The following FCRL4 variants were observed in gnomAD, a reference collection of about 807,000 sequenced individuals.
FCRL4 encodes Fc receptor like 4.
Under a neutral mutation model 64.1 loss-of-function variants are expected in FCRL4, and 43 were observed. The ratio of observed to expected loss-of-function variants is 0.67; its 90% CI spans 0.53 to 0.87. The LOEUF is 0.87. Ranked by LOEUF, FCRL4 falls within the 40% of genes least tolerant of loss-of-function variation. FCRL4 has a pLI of 0.00. For missense variants in FCRL4, 656 were observed against 613.5 expected (o/e 1.07, Z -0.73); for synonymous variants, 253 against 239.8 (o/e 1.05, Z -0.51).
chr1:157,586,305 C>G lies in FCRL4; in HGVS notation c.998G>C (p.Gly333Ala). ...TCTCAGGGAACGCTGAGTTTTCCTC[C>G]CCAGACTCTCCTGCATGTCCTCTCG... ...WHREDMQESL[G>A]RKTQRSLRAE... is the part of the protein sequence containing the mutation. The change falls in exon 6 of 12, where the codon GGG becomes GCG. Residue 333 changes from glycine to alanine, a missense_variant. Physicochemically the swap from Gly to Ala is moderately conservative, Grantham distance 60 (BLOSUM62 0). Transcript: ENST00000271532. The G allele has an allele frequency of 3.1e-6, 5 of 1,613,940 alleles. No individual in the cohort carries two copies. The highest frequency in any genetic ancestry group is 4.2e-6 in the Non-Finnish European group (5 of 1,179,986).
intron 9 of FCRL4, 69 bp downstream of exon 9, chr1:157,578,701 C>A: frequency 6.6e-7 from 1 of 1,525,880 alleles, no homozygotes; most frequent in South Asian, 1.1e-5. Flanking sequence ...GGGGCATTTC[C>A]CAGGGCTGAA....
At chr1:157,586,883 G>A (rs1652712440) in intron 5 of FCRL4, among the ~76,000 whole-genome samples, 1 of 152,112 alleles carries the variant, frequency 6.6e-6, no homozygotes, top group African/African-American at 2.4e-5. Flanking sequence ...CACATCATAG[G>A]CACTCACACT....
intron 6 of FCRL4, among the ~76,000 whole-genome samples, chr1:157,583,363 A>G (rs1260977100): frequency 5.9e-5 from 9 of 152,112 alleles, no homozygotes; most frequent in African/African-American, 2.2e-4. Context: ...CCTACCCCAG[A>G]CATCCTCAGT....
chr1:157,585,344 C>CTCTCTCTTTCTTTCTTTCTTTCTTTCTT (rs1386601138), intron 6 of FCRL4, among the ~76,000 whole-genome samples: 2 of 81,276 alleles, frequency 2.5e-5, no homozygotes, highest in East Asian at 4.2e-4. Flanking sequence ...CTTTCTCTCT[C>CTCTCTCTTTCTTTCTTTCTTTCTTTCTT]TCTTTCTTTC....
intron 1 of FCRL4, among the ~76,000 whole-genome samples, chr1:157,597,575 T>C (rs2758672): frequency 6.6e-6 from 1 of 152,042 alleles, no homozygotes; most frequent in Non-Finnish European, 1.5e-5. Context: ...CCTTCACAAA[T>C]AACTCAGTCC....
intron 3 of FCRL4, among the ~76,000 whole-genome samples, chr1:157,588,965 T>TA (rs1245373672): frequency 1.3e-5 from 2 of 152,252 alleles, no homozygotes; most frequent in Non-Finnish European, 2.9e-5. Flanking sequence ...TCCCTAAAAC[T>TA]AACTCATTTT....
Position 157,597,956 on chromosome 1 carries a change from C to G in FCRL4, c.-12G>C. 1.9e-6 allele frequency: 3 copies of G among 1,612,196 alleles called. No individual in the cohort carries two copies. The highest frequency in any genetic ancestry group is 2.5e-6 in the Non-Finnish European group (3 of 1,178,772). On this transcript the variant is annotated 5_prime_UTR_variant, in exon 1 of 12. Transcript: ENST00000271532. ...GCCCACAGCAGCATGGAAGCCTGCTCCAGGATTGGAGAAGGAGTTCTGAGG... is the reference window on the plus strand; with the variant it reads ...GCCCACAGCAGCATGGAAGCCTGCTGCAGGATTGGAGAAGGAGTTCTGAGG...
chr1:157,575,755 G>A (rs776326515), intron 10 of FCRL4, 25 bp from the exon 11 acceptor site: 1 of 1,611,826 alleles, frequency 6.2e-7, no homozygotes, highest in Non-Finnish European at 8.5e-7. Flanking sequence ...AGAATCACTG[G>A]ACTATGGGCA....
rs1442336106 is a variant in FCRL4, at chr1:157,586,458, A to G, written c.848-3T>C. 7 of 1,600,294 alleles carry G rather than the reference A, an allele frequency of 4.4e-6. No homozygotes were observed. Among genetic ancestry groups the G allele is most frequent in the Non-Finnish European group, 6.0e-6 (7 of 1,174,768 alleles). The stretch of plus-strand genomic sequence containing the variant: ...GAGCACCCCAGACACAGGGATCCCT[A>G]TGTGAAAATGAGACCACAGGTGGGG... On this transcript the variant is annotated splice_polypyrimidine_tract_variant and splice_region_variant and intron_variant, in intron 5 of 11. Transcript: ENST00000271532.
In FCRL4 at chr1:157,586,254, C is replaced by T. The variant is rs1652690099; in HGVS notation, c.1049G>A (p.Arg350Lys). 1.2e-6 allele frequency: 2 copies of T among 1,614,132 alleles called. No homozygotes were observed. The highest frequency in any genetic ancestry group is 1.7e-6 in the Non-Finnish European group (2 of 1,179,996). Residue 350 changes from arginine to lysine, a missense_variant, in exon 6 of 12, where the codon AGA (arginine) becomes AAA (lysine). Arg to Lys is a conservative substitution (Grantham distance 26). Coordinates refer to ENST00000271532, the MANE Select transcript of FCRL4 (RefSeq NM_031282.3). ...GTAGTATCCCCCTGCATGGCTCTGT[C>T]TGATGGCAGGGAGCTCCAGCTCTGC... is the stretch of plus-strand genomic sequence containing the variant. ...LRAELELPAIRQSHAGGYYCT... is the reference protein window; with the variant it reads ...LRAELELPAIKQSHAGGYYCT...
intron 6 of FCRL4, among the ~76,000 whole-genome samples, chr1:157,584,261 G>A (rs1571872): frequency 0.38 from 56,994 of 151,956 alleles, 11,921 homozygotes; most frequent in East Asian, 0.73. Context: ...GCAGCTTGCA[G>A]TTTTGCTAAT....
At position 157,574,552 on chromosome 1, in the gene FCRL4, G is replaced by T. The variant is rs1652357824; in HGVS notation, c.*972C>A. The stretch of plus-strand genomic sequence containing the variant: ...TTTATTCCTTCTTCATTTATTGCAA[G>T]AATTATTCTCATATAAACTAATTAG... On this transcript the variant is annotated 3_prime_UTR_variant, in exon 12 of 12. Coordinates refer to ENST00000271532, the MANE Select transcript of FCRL4 (RefSeq NM_031282.3). 9.7e-6 allele frequency: 2 copies of T among 206,224 alleles called. No homozygotes were observed. The highest frequency in any genetic ancestry group is 1.5e-4 in the East Asian group (2 of 13,348). 12.8% of individuals were successfully genotyped at this position (206,224 alleles called of 1,614,324 possible).
chr1:157,586,446 A>G lies in FCRL4; in HGVS notation c.857T>C (p.Val286Ala). ...CTGGGTCTCCAGGAGCACCCCAGAC[A>G]CAGGGATCCCTATGTGAAAATGAGA... is the stretch of plus-strand genomic sequence containing the variant. ...SLQIHVQRIP[V>A]SGVLLETQPS... is the part of the protein sequence containing the mutation. The change falls in exon 6 of 12, where the codon GTG (valine) becomes GCG (alanine). Residue 286 changes from valine (V) to alanine (A), a missense_variant. Coordinates refer to ENST00000271532, the MANE Select transcript of FCRL4 (RefSeq NM_031282.3). 1.2e-6 allele frequency: 2 copies of G among 1,607,102 alleles called. No homozygotes were observed. Among genetic ancestry groups the G allele is most frequent in the Non-Finnish European group, 1.7e-6 (2 of 1,178,036 alleles).
intron 6 of FCRL4, among the ~76,000 whole-genome samples, chr1:157,582,634 A>G (rs1470849231): frequency 6.6e-6 from 1 of 152,198 alleles, no homozygotes. Flanking sequence ...GTTTATTTTC[A>G]TCTATGATTT....
intron 8 of FCRL4, among the ~76,000 whole-genome samples, chr1:157,579,389 T>C (rs1380010092): frequency 2.0e-5 from 3 of 149,142 alleles, no homozygotes; most frequent in African/African-American, 7.4e-5. Context: ...CATAATGGCT[T>C]CTTCATCATC....
rs1221897993 is a variant in FCRL4 at position 157,575,609 on chromosome 1, T to A, written c.1463A>T (p.Asp488Val). 3 of 1,613,388 alleles carry A rather than the reference T, an allele frequency of 1.9e-6. No homozygotes were observed. The highest frequency in any genetic ancestry group is 2.5e-6 in the Non-Finnish European group (3 of 1,179,432). ...NTSRTLLEDK[D>V]VSVVYSEVKT... ...TACCTCAGAGTAGACAACTGAGACA[T>A]CCTGAAATGGAAGAAAGAAGTGGAA... The change falls in exon 12 of 12, where the codon GAT becomes GTT. Residue 488 changes from aspartate to valine, a missense_variant and splice_region_variant. Coordinates refer to ENST00000271532, the MANE Select transcript of FCRL4 (RefSeq NM_031282.3).
chr1:157,590,780 G>A (rs1400090551), intron 2 of FCRL4, among the ~76,000 whole-genome samples: 3 of 152,096 alleles, frequency 2.0e-5, no homozygotes, highest in African/African-American at 4.8e-5. Context: ...GCCTCCCAAA[G>A]TGCTGGAATT....
chr1:157,592,787 A>G (rs4442360), intron 2 of FCRL4, among the ~76,000 whole-genome samples: 74,534 of 152,014 alleles, frequency 0.49, 18,610 homozygotes, highest in East Asian at 0.74. Flanking sequence ...ACATGTACAC[A>G]TATGTTTATT....
intron 6 of FCRL4, among the ~76,000 whole-genome samples, chr1:157,584,167 A>G (rs1017393075): frequency 3.9e-5 from 6 of 152,212 alleles, no homozygotes; most frequent in African/African-American, 1.4e-4. Context: ...TCAGAATAAG[A>G]GCCTTCCTGC....
Sources: gnomAD v4.1 joint callset for allele counts (sites outside exome capture counted in the v4.1 genomes callset) on GRCh38, gnomAD v4.1.1 for gene constraint, MANE v1.5 for transcripts, NCBI Gene and HGNC (gene_info 2026-07-23, HGNC 2026-07-21) for gene names.